Variants in LPA observed in about 807,000 individuals in gnomAD.
LPA encodes the protein apolipoprotein(a).
In LPA, 199 loss-of-function variants were observed where a neutral mutation model predicts 197.9. The observed-to-expected ratio is 1.01, with a 90% CI of 0.90 to 1.13. The LOEUF (loss-of-function observed/expected upper bound fraction) is 1.13, where lower values mean the gene tolerates loss of function less well. LPA is among the 50% of genes most tolerant of loss of function. The pLI is 0.00. For synonymous variants in LPA, 715 were observed against 639.5 expected (o/e 1.12, Z -1.78); for missense variants, 1,853 against 1,785.8 (o/e 1.04, Z -0.68).
In LPA at chr6:160,595,543, T is replaced by C. The variant is rs997157152; in HGVS notation, c.3288-8A>G. ...TAGTTCCTGGTCAGGCCACTGCAAA[T>C]TTCAAAACAACACAGGTCACCAGAG... is the stretch of plus-strand genomic sequence containing the variant. On this transcript the variant is annotated splice_region_variant and splice_polypyrimidine_tract_variant and intron_variant, in intron 20 of 38. Coordinates refer to ENST00000316300, the MANE Select transcript of LPA (RefSeq NM_005577.4). The C allele has an allele frequency of 1.2e-6, 2 of 1,613,846 alleles. No individual in the cohort carries two copies. Among genetic ancestry groups the C allele is most frequent in the Non-Finnish European group, 1.7e-6 (2 of 1,179,920 alleles).
intron 25 of LPA, 114 bp downstream of exon 25, chr6:160,586,334 AT>A: frequency 7.9e-7 from 1 of 1,273,044 alleles, no homozygotes; most frequent in South Asian, 1.3e-5. Context: ...TTGGCTGTCC[AT>A]GACTTCACCT....
intron 16 of LPA, among the ~76,000 whole-genome samples, chr6:160,607,235 T>C (rs1346415277): frequency 1.3e-5 from 2 of 152,062 alleles, no homozygotes; most frequent in Non-Finnish European, 2.9e-5. Context: ...CTGTGCAAAT[T>C]GTATTACTTT....
At chr6:160,575,558 G>T (rs1778640012) in intron 28 of LPA, among the ~76,000 whole-genome samples, 1 of 152,154 alleles carries the variant, frequency 6.6e-6, no homozygotes, top group Admixed American at 6.5e-5. Flanking sequence ...TTTCTGACTT[G>T]CTTTTCAATT....
rs1416815324 is a variant in LPA, at chr6:160,557,548, C to T, written c.4655G>A (p.Arg1552Lys). 1 of 1,614,006 alleles carries T rather than the reference C, an allele frequency of 6.2e-7. No individual in the cohort carries two copies. The highest frequency in any genetic ancestry group is 1.3e-5 in the African/African-American group (1 of 74,874). The change falls in exon 29 of 39, where the codon AGG becomes AAG. Residue 1552 changes from arginine (R) to lysine (K), a missense_variant. Arg to Lys is a conservative substitution (Grantham distance 26). Around this residue, in one of 3 missense-constraint regions of LPA, gnomAD observed 1,737 missense variants for 1,504.4 expected, o/e 1.15. Coordinates refer to ENST00000316300, the MANE Select transcript of LPA (RefSeq NM_005577.4). The stretch of plus-strand genomic sequence containing the variant: ...GGGTTGTTTCCCAGAATCTGGATTC[C>T]TGCAGTAGTTCTCGGTCAGGCCACT... ...PNAGLTENYC[R>K]NPDSGKQPWC...
At chr6:160,602,994 GTT>G (rs10548212) in intron 18 of LPA, among the ~76,000 whole-genome samples, 17,082 of 121,394 alleles carry the variant, frequency 0.14, 1,092 homozygotes, top group African/African-American at 0.23. Flanking sequence ...GAATCATACA[GTT>G]TTTTTTTTTT....
intron 1 of LPA, 150 bp downstream of exon 1, chr6:160,664,016 T>C: frequency 9.0e-7 from 1 of 1,114,108 alleles, no homozygotes; most frequent in South Asian, 1.5e-5. Context: ...CTTATTTTTT[T>C]AAGAATTTTT....
intron 28 of LPA, among the ~76,000 whole-genome samples, chr6:160,568,692 A>G (rs1778507942): frequency 6.6e-6 from 1 of 152,250 alleles, no homozygotes; most frequent in Non-Finnish European, 1.5e-5. Context: ...AGAGGAAGTT[A>G]AATTGTCCCT....
intron 2 of LPA, 59 bp downstream of exon 2, chr6:160,650,279 T>A: frequency 6.3e-7 from 1 of 1,584,828 alleles, no homozygotes; most frequent in Non-Finnish European, 8.6e-7. Flanking sequence ...GACGCACACC[T>A]TTTCTAAGAC....
intron 26 of LPA, among the ~76,000 whole-genome samples, chr6:160,583,059 GA>G (rs556783328): frequency 8.5e-4 from 129 of 151,622 alleles, no homozygotes; most frequent in Non-Finnish European, 1.7e-3. Context: ...TCTTTCTGTT[GA>G]TATTATCCAT....
At chr6:160,539,676 C>A (rs183160644) in intron 36 of LPA, among the ~76,000 whole-genome samples, 6 of 151,932 alleles carry the variant, frequency 3.9e-5, no homozygotes, top group African/African-American at 1.5e-4. Flanking sequence ...GTTTTTCAAG[C>A]GCTTTGAAAT....
rs1486750668 is a variant in LPA, at chr6:160,585,057, G to C, written c.4278C>G (p.Tyr1426Ter). 4 of 1,613,748 alleles carry C rather than the reference G, an allele frequency of 2.5e-6. No homozygotes were observed. Among genetic ancestry groups the C allele is most frequent in the Non-Finnish European group, 3.4e-6 (4 of 1,179,710 alleles). Residue 1426 changes from tyrosine to a stop codon, truncating the protein, a stop_gained, in exon 26 of 39, where the codon TAC becomes TAG. Transcript: ENST00000316300. LOFTEE classifies it high-confidence loss of function. ...TPHWHRRIPL[Y>*]YPNAGLTRNY... ...CATGATAGACATACGCATTTGGATA[G>C]TATAATGGGATCCTCCGATGCCAAT...
At chr6:160,544,189 C>A (rs771157569) in intron 33 of LPA, among the ~76,000 whole-genome samples, 3 of 152,068 alleles carry the variant, frequency 2.0e-5, no homozygotes, top group Non-Finnish European at 2.9e-5. Flanking sequence ...GCAGGTAAGT[C>A]AGACTGGGCT....
At chr6:160,582,444 C>A (rs991629513) in intron 26 of LPA, among the ~76,000 whole-genome samples, 1 of 151,752 alleles carries the variant, frequency 6.6e-6, no homozygotes, top group Non-Finnish European at 1.5e-5. Context: ...CCACTCTAAA[C>A]GTGTTATTTT....
chr6:160,643,170 A>G (rs1779870500), intron 4 of LPA, among the ~76,000 whole-genome samples: 1 of 148,518 alleles, frequency 6.7e-6, no homozygotes, highest in African/African-American at 2.4e-5. Flanking sequence ...TTCCTCTGAA[A>G]CGTCTAAATT....
intron 28 of LPA, 63 bp downstream of exon 28, chr6:160,577,073 G>A: frequency 6.3e-7 from 1 of 1,587,116 alleles, no homozygotes. Flanking sequence ...CTTAAAGCAT[G>A]GGTCTTCTAA....
chr6:160,571,965 C>T (rs1198122358), intron 28 of LPA, among the ~76,000 whole-genome samples: 2 of 152,206 alleles, frequency 1.3e-5, no homozygotes, highest in African/African-American at 4.8e-5. Context: ...GCCCAAATGC[C>T]AGCCCAGTTT....
intron 7 of LPA, among the ~76,000 whole-genome samples, chr6:160,634,723 T>A (rs1779769585): frequency 6.6e-6 from 1 of 151,894 alleles, no homozygotes; most frequent in Non-Finnish European, 1.5e-5. Context: ...GAGCCACATT[T>A]TTTGAAATCT....
chr6:160,543,464 C>T (rs1027392396), intron 33 of LPA, among the ~76,000 whole-genome samples: 2 of 152,086 alleles, frequency 1.3e-5, no homozygotes, highest in African/African-American at 4.8e-5. Flanking sequence ...TTATTAATAA[C>T]AACTGCAAGA....
Position 160,595,397 on chromosome 6 carries a change from G to C in LPA, c.3426C>G (p.Leu1142=). The stretch of plus-strand genomic sequence containing the variant: ...CTGTGCTTGGATCTGGGACCACCGT[G>C]AGAGTTGCAAGGACACTTGATTCTG... ...LVTESSVLAT[L]TVVPDPSTEA... is the part of the protein sequence containing the mutation. Residue 1142 remains leucine, a synonymous_variant, in exon 21 of 39, where the codon CTC becomes CTG. Coordinates refer to ENST00000316300, the MANE Select transcript of LPA (RefSeq NM_005577.4). 6.2e-7 allele frequency: 1 copy of C among 1,613,776 alleles called. No individual in the cohort carries two copies. Among genetic ancestry groups the C allele is most frequent in the Non-Finnish European group, 8.5e-7 (1 of 1,179,936 alleles).
Sources: allele counts gnomAD v4.1 joint callset (sites outside exome capture counted in the v4.1 genomes callset), GRCh38; gene constraint gnomAD v4.1.1; regional missense constraint gnomAD v4.1.1; transcripts MANE v1.5; gene names NCBI Gene and HGNC (gene_info 2026-07-23, HGNC 2026-07-21).